SCN10A: variants seen among roughly 807,000 people sequenced by gnomAD.
The protein encoded by SCN10A is sodium voltage-gated channel alpha subunit 10.
SCN10A carries 162 observed loss-of-function variants against 170.7 expected under a neutral mutation model. The observed-to-expected ratio is 0.95, with a 90% CI of 0.84 to 1.08. The LOEUF is 1.08. Ranked by LOEUF, SCN10A falls within the 50% of genes least tolerant of loss-of-function variation. The pLI is 0.00. For missense variants in SCN10A, 2,527 were observed against 2,436.9 expected, an observed-to-expected ratio of 1.04 and a Z score of -0.78; for synonymous variants, 985 against 904.6, an observed-to-expected ratio of 1.09 and a Z score of -1.59.
chr3:38,727,131 C>G lies in SCN10A; in HGVS notation c.2641-79G>C, dbSNP rs150385277. The G allele has an allele frequency of 1.8e-4, 254 of 1,387,778 alleles. No homozygotes were observed. In the African/African-American group the frequency reaches 2.8e-3, roughly 16 times the overall value. 86.0% of individuals were successfully genotyped at this position (1,387,778 alleles called of 1,614,324 possible). On this transcript the variant is annotated intron_variant, in intron 16 of 27. Transcript: ENST00000449082. ...ATTGGCCTACCGGGTTAGCAGCTGGCTGGCAAGACAGCCACGGCCTGGGCC... is the reference window on the plus strand; with the variant it reads ...ATTGGCCTACCGGGTTAGCAGCTGGGTGGCAAGACAGCCACGGCCTGGGCC...
chr3:38,744,196 G>A (rs577555445), intron 13 of SCN10A, among the ~76,000 whole-genome samples: 110 of 152,296 alleles, frequency 7.2e-4, no homozygotes, highest in African/African-American at 2.6e-3. Flanking sequence ...ATAGAACATT[G>A]CTTGAAGAAT....
At chr3:38,775,015 C>T (rs975907869) in intron 4 of SCN10A, among the ~76,000 whole-genome samples, 2 of 152,122 alleles carry the variant, frequency 1.3e-5, no homozygotes, top group African/African-American at 4.8e-5. Context: ...CCTTGCTGAC[C>T]ATGTGGCTGG....
At chr3:38,777,387 A>G (rs1413658998) in intron 4 of SCN10A, among the ~76,000 whole-genome samples, 1 of 152,052 alleles carries the variant, frequency 6.6e-6, no homozygotes, top group African/African-American at 2.4e-5. Flanking sequence ...CAATAGGGCA[A>G]CCAAAATTGC....
At chr3:38,783,028 C>T (rs1428861669) in intron 4 of SCN10A, among the ~76,000 whole-genome samples, 1 of 152,036 alleles carries the variant, frequency 6.6e-6, no homozygotes, top group Non-Finnish European at 1.5e-5. Context: ...TTATAGATGT[C>T]TACCTTGTCC....
At chr3:38,785,896 A>G (rs2064195042) in intron 4 of SCN10A, among the ~76,000 whole-genome samples, 1 of 152,228 alleles carries the variant, frequency 6.6e-6, no homozygotes, top group Non-Finnish European at 1.5e-5. Flanking sequence ...ATCACTGGTC[A>G]TTAGAGAAAT....
At chr3:38,710,990 G>T in intron 23 of SCN10A, 93 bp from the exon 24 acceptor site, 1 of 1,058,684 alleles carries the variant, frequency 9.4e-7, no homozygotes, top group East Asian at 2.5e-5. Context: ...AGAGGAGAGA[G>T]TCCTGTGTTG....
rs1045236727 is a variant in SCN10A at position 38,789,011 on chromosome 3, T to C, written c.415A>G (p.Thr139Ala). Residue 139 changes from threonine to alanine, a missense_variant, in exon 4 of 28, where the codon ACT becomes GCT. Transcript: ENST00000449082. ...ATGCACACACAATTAACCAAAATAG[T>C]GACCGTAATAAATAAACTGAACCAC... ...HSWFSLFITV[T>A]ILVNCVCMTR... The C allele has an allele frequency of 6.2e-7, 1 of 1,611,896 alleles. No homozygotes were observed. The highest frequency in any genetic ancestry group is 8.5e-7 in the Non-Finnish European group (1 of 1,178,256).
chr3:38,743,050 G>C (rs886995321), intron 13 of SCN10A, among the ~76,000 whole-genome samples: 1 of 152,156 alleles, frequency 6.6e-6, no homozygotes, highest in South Asian at 2.1e-4. Flanking sequence ...ATCTGGCTGT[G>C]TTTCTATATT....
At chr3:38,749,381 G>T (rs1306091206) in intron 13 of SCN10A, among the ~76,000 whole-genome samples, 1 of 152,200 alleles carries the variant, frequency 6.6e-6, no homozygotes, top group African/African-American at 2.4e-5. Context: ...AAAAAGGCTG[G>T]ATTAGAACAG....
intron 1 of SCN10A, among the ~76,000 whole-genome samples, chr3:38,804,152 T>C (rs1305859851): frequency 6.6e-6 from 1 of 152,204 alleles, no homozygotes; most frequent in East Asian, 1.9e-4. Flanking sequence ...TTCTCTTGCT[T>C]GTTCATTGGA....
intron 1 of SCN10A, among the ~76,000 whole-genome samples, chr3:38,812,336 AG>A (rs1424879040): frequency 6.6e-6 from 1 of 152,198 alleles, no homozygotes; most frequent in East Asian, 1.9e-4. Flanking sequence ...AACTTAGTGA[AG>A]GTCATAGCCT....
At chr3:38,810,921 C>G (rs936366487) in intron 1 of SCN10A, among the ~76,000 whole-genome samples, 1 of 152,238 alleles carries the variant, frequency 6.6e-6, no homozygotes, top group African/African-American at 2.4e-5. Flanking sequence ...TGAGTCCTCT[C>G]AATTTTTTTC....
At chr3:38,792,277 G>A in intron 2 of SCN10A, 109 bp from the exon 3 acceptor site, 1 of 1,404,194 alleles carries the variant, frequency 7.1e-7, no homozygotes, top group East Asian at 2.3e-5. Context: ...AGCAAGAAGG[G>A]CTCTGGGAAC....
intron 18 of SCN10A, among the ~76,000 whole-genome samples, chr3:38,724,162 C>T (rs988309526): frequency 3.9e-5 from 6 of 152,198 alleles, no homozygotes; most frequent in East Asian, 1.9e-4. Context: ...GGGAACCAAG[C>T]GGCTTCTGTT....
At chr3:38,732,496 A>G (rs2063522046) in intron 15 of SCN10A, among the ~76,000 whole-genome samples, 1 of 152,206 alleles carries the variant, frequency 6.6e-6, no homozygotes, top group African/African-American at 2.4e-5. Flanking sequence ...TCACAGATTT[A>G]GAGGGTATCA....
At chr3:38,763,336 C>T (rs1186621360) in intron 6 of SCN10A, among the ~76,000 whole-genome samples, 169 bp downstream of exon 6, 1 of 152,178 alleles carries the variant, frequency 6.6e-6, no homozygotes, top group Admixed American at 6.5e-5. Flanking sequence ...CTGTCTCTTA[C>T]TAGTGAAGAG....
intron 1 of SCN10A, among the ~76,000 whole-genome samples, chr3:38,807,283 A>C (rs1283937167): frequency 6.6e-6 from 1 of 152,184 alleles, no homozygotes; most frequent in Non-Finnish European, 1.5e-5. Flanking sequence ...TAACTGATTA[A>C]GGTTTTCTAG....
intron 5 of SCN10A, among the ~76,000 whole-genome samples, chr3:38,766,523 G>T (rs987529239): frequency 6.6e-6 from 1 of 151,986 alleles, no homozygotes; most frequent in Non-Finnish European, 1.5e-5. Context: ...TTCTGTTTAT[G>T]TGACGTGCAG....
In SCN10A at chr3:38,752,368, A is replaced by G; in HGVS notation, c.1606T>C (p.Ser536Pro). 6.2e-7 allele frequency: 1 copy of G among 1,613,840 alleles called. No homozygotes were observed. Among genetic ancestry groups the G allele is most frequent in the Non-Finnish European group, 8.5e-7 (1 of 1,179,916 alleles). Residue 536 changes from serine to proline, a missense_variant, in exon 12 of 28, where the codon TCT (serine) becomes CCT (proline). Ser to Pro is a moderately conservative substitution (Grantham distance 74, BLOSUM62 -1). Coordinates refer to ENST00000449082, the MANE Select transcript of SCN10A (RefSeq NM_006514.4). ...FPGDHESHRG[S>P]LLLGGGAGQQ... ...CCAGCACCCCCACCCAGCAGCAGAG[A>G]GCCCCGATGGCTTTCGTGGTCTCCA...
Sources: allele counts gnomAD v4.1 joint callset (sites outside exome capture counted in the v4.1 genomes callset), GRCh38; gene constraint gnomAD v4.1.1; transcripts MANE v1.5; gene names NCBI Gene and HGNC (gene_info 2026-07-23, HGNC 2026-07-21).